Variants in NID2 observed in about 807,000 individuals in gnomAD.
NID2 encodes nidogen-2.
Under a neutral mutation model 145.4 loss-of-function variants are expected in NID2, and 83 were observed. That is an observed-to-expected ratio of 0.57 (90% CI 0.48 to 0.69). The LOEUF is 0.69. Among genes scored for constraint, NID2 ranks in the 30% least tolerant of loss-of-function variants. The pLI, the probability that NID2 is intolerant of heterozygous loss-of-function variation, is 0.00. For synonymous variants in NID2, 739 were observed against 701.3 expected (o/e 1.05, Z -0.85); for missense variants, 1,807 against 1,765.7 (o/e 1.02, Z -0.42).
chr14:52,027,476 C>T, intron 11 of NID2, 132 bp from the exon 12 acceptor site: 1 of 661,960 alleles, frequency 1.5e-6, no homozygotes, highest in Non-Finnish European at 2.3e-6. Flanking sequence ...ACCCAAGGTC[C>T]AGTGATTCAG....
At position 52,042,338 on chromosome 14, in the gene NID2, C is replaced by T. The variant is rs1236283912; in HGVS notation, c.1592G>A (p.Arg531Gln). ...GTGGCCACTCACTTTCCCATTCACT[C>T]GGTGAGGTGCCCCTAAAAGACAGCA... ...KHCLPEGAPH[R>Q]VNGKVSGHLH... Residue 531 changes from arginine (R) to glutamine (Q), a missense_variant, in exon 7 of 22, where the codon CGA becomes CAA. Arg to Gln is a conservative substitution (Grantham distance 43, BLOSUM62 1). Coordinates refer to ENST00000216286, the MANE Select transcript of NID2 (RefSeq NM_007361.4). 1 of 1,610,170 alleles carries T rather than the reference C, an allele frequency of 6.2e-7. No homozygotes were observed. The highest frequency in any genetic ancestry group is 8.5e-7 in the Non-Finnish European group (1 of 1,177,084).
chr14:52,031,688 A>C (rs368019068), intron 9 of NID2, among the ~76,000 whole-genome samples: 39 of 152,168 alleles, frequency 2.6e-4, no homozygotes, highest in Admixed American at 7.2e-4. Flanking sequence ...CACTGGCAGT[A>C]CCACCCATTT....
intron 12 of NID2, among the ~76,000 whole-genome samples, chr14:52,021,399 A>G (rs958980241): frequency 6.6e-6 from 1 of 152,186 alleles, no homozygotes; most frequent in Non-Finnish European, 1.5e-5. Flanking sequence ...CCAGGCTCCC[A>G]TGACCCACAT....
At chr14:52,016,429 T>C (rs994749494) in intron 14 of NID2, among the ~76,000 whole-genome samples, 2 of 152,344 alleles carry the variant, frequency 1.3e-5, no homozygotes, top group South Asian at 4.1e-4. Context: ...TCAAACCAGC[T>C]GCTCCCCTGG....
intron 3 of NID2, among the ~76,000 whole-genome samples, chr14:52,056,645 A>T (rs1429077628): frequency 6.6e-6 from 1 of 152,116 alleles, no homozygotes; most frequent in African/African-American, 2.4e-5. Context: ...CAAAAAAAAT[A>T]GTCAGGTGTG....
Position 52,014,427 on chromosome 14 carries a change from G to A in NID2, c.3280C>T (p.Arg1094Trp), listed in dbSNP as rs145293795. ...GTCACATCTGGCCGGGGCGTGGGCC[G>A]GACCATGGGTGGAGCGACGGTGGGT... Reference protein sequence around the residue: ...CIPTVAPPMVRPTPRPDVTPP... With the variant: ...CIPTVAPPMVWPTPRPDVTPP... The change falls in exon 16 of 22, where the codon CGG (arginine) becomes TGG (tryptophan). Residue 1094 changes from arginine to tryptophan, a missense_variant. Physicochemically the swap from Arg to Trp is moderately radical, Grantham distance 101. Transcript: ENST00000216286. 1.4e-5 allele frequency: 22 copies of A among 1,613,196 alleles called. No individual in the cohort carries two copies. The highest frequency in any genetic ancestry group is 4.5e-5 in the East Asian group (2 of 44,888).
At chr14:52,036,930 T>G (rs918035182) in intron 9 of NID2, among the ~76,000 whole-genome samples, 1 of 152,246 alleles carries the variant, frequency 6.6e-6, no homozygotes. Context: ...TCCCATTCTA[T>G]GGCTGTGTTT....
intron 19 of NID2, 152 bp from the exon 20 acceptor site, chr14:52,006,812 A>G (rs1049926109): frequency 2.9e-6 from 2 of 694,864 alleles, no homozygotes; most frequent in Non-Finnish European, 4.6e-6. Flanking sequence ...TACCTGTCCT[A>G]TTACTAGTCT....
rs562690039 is a variant in NID2 at position 52,015,418 on chromosome 14, C to G, written c.3029-143G>C. On this transcript the variant is annotated intron_variant, in intron 14 of 21. Coordinates refer to ENST00000216286, the MANE Select transcript of NID2 (RefSeq NM_007361.4). ...AGGTCTCAGCCAAGCCCGTGGACAC[C>G]AAACTTGGGAAGCAAATGTGTTCTA... 4.2e-5 allele frequency: 29 copies of G among 687,728 alleles called. 1 individual carries two copies. The South Asian group carries it at 5.4e-4, about 13-fold the overall frequency. 42.6% of individuals were successfully genotyped at this position (687,728 alleles called of 1,614,324 possible). A position where few individuals can be genotyped will look rare whatever the true frequency, so the allele number is the denominator to read the frequency against.
intron 16 of NID2, among the ~76,000 whole-genome samples, chr14:52,012,553 G>C (rs1213748081): frequency 1.3e-5 from 2 of 151,880 alleles, no homozygotes; most frequent in Non-Finnish European, 2.9e-5. Flanking sequence ...AGCCGAGATG[G>C]TGCCACTGCA....
intron 3 of NID2, among the ~76,000 whole-genome samples, chr14:52,057,294 T>A (rs564108925): frequency 6.5e-4 from 99 of 152,306 alleles, no homozygotes; most frequent in Admixed American, 2.4e-3. Context: ...CCTCCCACCT[T>A]GGCCTCCCAA....
rs1291526921 is a variant in NID2 at position 52,067,860 on chromosome 14, C to G, written c.532G>C (p.Glu178Gln). Residue 178 changes from glutamate (E) to glutamine (Q), a missense_variant and splice_region_variant, in exon 2 of 22, where the codon GAG becomes CAG. By Grantham distance (29) the Glu-to-Gln change is conservative (BLOSUM62 2). Transcript: ENST00000216286. Reference protein sequence around the residue: ...EVKRGALPSGELNTFQAVLAS... With the variant: ...EVKRGALPSGQLNTFQAVLAS... Reference sequence around the variant, plus strand: ...GTCAAATATCCCTGGTCACTTACCTCTCCCGAGGGCAGCGCCCCGCGCTTG... The same window carrying G: ...GTCAAATATCCCTGGTCACTTACCTGTCCCGAGGGCAGCGCCCCGCGCTTG... 1.9e-6 allele frequency: 3 copies of G among 1,611,608 alleles called. No individual in the cohort carries two copies. Among genetic ancestry groups the G allele is most frequent in the South Asian group, 1.1e-5 (1 of 90,966 alleles).
At chr14:52,019,953 C>T (rs1891341897) in intron 13 of NID2, 106 bp downstream of exon 13, 2 of 1,454,672 alleles carry the variant, frequency 1.4e-6, no homozygotes, top group Non-Finnish European at 1.9e-6. Context: ...CTTGGAAAAT[C>T]CACCAAGGCT....
In NID2 at chr14:52,015,201, G is replaced by C. The variant is rs780404034; in HGVS notation, c.3103C>G (p.Arg1035Gly). The stretch of plus-strand genomic sequence containing the variant: ...CACTGGGGCACGTACTGGTCATCCC[G>C]GGGGGTGCCACCGTAGTGCTCCAGC... The part of the protein sequence containing the change: ...NLLEHYGGTP[R>G]DDQYVPQCDD... The change falls in exon 15 of 22, where the codon CGG (arginine) becomes GGG (glycine). Residue 1035 changes from arginine to glycine, a missense_variant. By Grantham distance (125) the Arg-to-Gly change is moderately radical. Transcript: ENST00000216286. 6.8e-6 allele frequency: 11 copies of C among 1,612,414 alleles called. No individual in the cohort carries two copies. Among genetic ancestry groups the C allele is most frequent in the Middle Eastern group, 1.7e-4 (1 of 6,050 alleles).
At chr14:52,035,867 T>TGTATCTATATATAC in intron 9 of NID2, among the ~76,000 whole-genome samples, 1 of 132,962 alleles carries the variant, frequency 7.5e-6, no homozygotes, top group Admixed American at 7.8e-5. Context: ...TATATATATA[T>TGTATCTATATATAC]ATATATATAT....
intron 9 of NID2, among the ~76,000 whole-genome samples, chr14:52,037,448 C>T (rs1204846131): frequency 2.0e-5 from 3 of 152,110 alleles, no homozygotes; most frequent in Admixed American, 6.6e-5. Context: ...TCCCCACTCC[C>T]GGCACTGTTG....
rs112381385 is a variant in NID2, at chr14:52,046,346, G to A, written c.1430-3415C>T. 7.4e-3 allele frequency among the ~76,000 whole-genome samples: 952 copies of A among 129,156 alleles called. 9 individuals are homozygous for A. The highest frequency in any genetic ancestry group is 0.027 in the African/African-American group (906 of 33,712). The allele number at this position is 129,156 out of a possible 152,430, so 84.7% of individuals were successfully genotyped here. A position where few individuals can be genotyped will look rare whatever the true frequency, so the allele number is the denominator to read the frequency against. ...TCAAAAAAAAAAAAAAAAAAAAGCC[G>A]TTTTCATAATATTCAGATAAAAATC... On this transcript the variant is annotated intron_variant, in intron 5 of 21. Coordinates refer to ENST00000216286, the MANE Select transcript of NID2 (RefSeq NM_007361.4).
Position 52,005,242 on chromosome 14 carries a change from AAC to A in NID2, c.*242_*243del, listed in dbSNP as rs528261889. 131 of 376,444 alleles carry A rather than the reference AAC, an allele frequency of 3.5e-4. No individual in the cohort carries two copies. Among genetic ancestry groups the A allele is most frequent in the Middle Eastern group, 1.4e-3 (2 of 1,442 alleles). 23.3% of individuals were successfully genotyped at this position (376,444 alleles called of 1,614,324 possible). A position where few individuals can be genotyped will look rare whatever the true frequency, so the allele number is the denominator to read the frequency against. On this transcript the variant is annotated 3_prime_UTR_variant, in exon 22 of 22. Coordinates refer to ENST00000216286, the MANE Select transcript of NID2 (RefSeq NM_007361.4). ...TTTACAAGAAGTTGCTTTAATAAGC[AAC>A]AGTTAAAATTCTGTTACCTTTTTAA...
intron 5 of NID2, among the ~76,000 whole-genome samples, chr14:52,046,592 G>C (rs949448343): frequency 6.6e-6 from 1 of 152,060 alleles, no homozygotes; most frequent in Admixed American, 6.6e-5. Context: ...AAGAGGCAGG[G>C]CGATGCAGCC....
Sources: gnomAD v4.1 joint callset for allele counts (sites outside exome capture counted in the v4.1 genomes callset) on GRCh38, gnomAD v4.1.1 for gene constraint, MANE v1.5 for transcripts, NCBI Gene and HGNC (gene_info 2026-07-23, HGNC 2026-07-21) for gene names.